GABBR2: variants seen among roughly 807,000 people sequenced by gnomAD.
GABBR2 encodes gamma-aminobutyric acid type B receptor subunit 2.
Under a neutral mutation model 105.6 loss-of-function variants are expected in GABBR2, and 23 were observed. The ratio of observed to expected loss-of-function variants is 0.22; its 90% confidence interval spans 0.16 to 0.31. The LOEUF (loss-of-function observed/expected upper bound fraction) is 0.31, where lower values mean the gene tolerates loss of function less well. Ranked by LOEUF, GABBR2 falls within the 10% of genes least tolerant of loss-of-function variation. The probability of loss-of-function intolerance (pLI) is 1.00; values close to 1 mark genes in which losing one functional copy is unlikely to be tolerated. For synonymous variants in GABBR2, 478 were observed against 499.7 expected, an observed-to-expected ratio of 0.96 and a Z score of 0.58; for missense variants, 734 against 1,245.5, an observed-to-expected ratio of 0.59 and a Z score of 6.18.
At chr9:98,552,288 T>C (rs1217208292) in intron 2 of GABBR2, among the ~76,000 whole-genome samples, 1 of 152,220 alleles carries the variant, frequency 6.6e-6, no homozygotes, top group Non-Finnish European at 1.5e-5. Flanking sequence ...GAGAAAATGA[T>C]TGAGGCTTGC....
At chr9:98,307,349 G>A (rs1376964957) in intron 14 of GABBR2, among the ~76,000 whole-genome samples, 1 of 152,192 alleles carries the variant, frequency 6.6e-6, no homozygotes, top group Non-Finnish European at 1.5e-5. Flanking sequence ...GGACAGCTCA[G>A]GTGGGTGTAG....
intron 1 of GABBR2, among the ~76,000 whole-genome samples, chr9:98,698,942 G>A (rs1830792158): frequency 1.3e-5 from 2 of 152,142 alleles, no homozygotes; most frequent in Admixed American, 1.3e-4. Context: ...TCTGACCCAG[G>A]AGCAGGGAGC....
intron 1 of GABBR2, among the ~76,000 whole-genome samples, chr9:98,650,595 A>T (rs1291733863): frequency 2.0e-5 from 3 of 152,224 alleles, no homozygotes; most frequent in Non-Finnish European, 4.4e-5. Context: ...ATGAAAGGAA[A>T]ATCTTTATAC....
chr9:98,542,161 C>T (rs1044917447), intron 2 of GABBR2, 118 bp from the exon 3 acceptor site: 3 of 774,076 alleles, frequency 3.9e-6, no homozygotes, highest in Non-Finnish European at 6.0e-6. Context: ...CACACAGGGA[C>T]AGATATTTTT....
chr9:98,570,011 T>G (rs187986110), intron 2 of GABBR2, among the ~76,000 whole-genome samples: 65 of 152,354 alleles, frequency 4.3e-4, no homozygotes, highest in African/African-American at 1.5e-3. Context: ...CACTGATTTG[T>G]TTTTTAAATG....
intron 17 of GABBR2, among the ~76,000 whole-genome samples, chr9:98,295,658 T>G (rs1236629105): frequency 6.6e-6 from 1 of 152,132 alleles, no homozygotes; most frequent in African/African-American, 2.4e-5. Flanking sequence ...CCCAAGTAGC[T>G]GGGACTACAG....
intron 3 of GABBR2, among the ~76,000 whole-genome samples, chr9:98,504,279 T>TATA (rs1827462483): frequency 6.6e-6 from 1 of 152,246 alleles, no homozygotes; most frequent in African/African-American, 2.4e-5. Context: ...AGCAACTTGC[T>TATA]ACTGCATTCA....
At chr9:98,397,188 C>T (rs778004309) in intron 8 of GABBR2, among the ~76,000 whole-genome samples, 14 of 152,196 alleles carry the variant, frequency 9.2e-5, no homozygotes, top group Non-Finnish European at 2.1e-4. Flanking sequence ...AGGCTCAGCT[C>T]ATGGTATTTC....
At position 98,290,476 on chromosome 9, in the gene GABBR2, A is replaced by G; in HGVS notation, c.*108T>C. 1.3e-6 allele frequency: 1 copy of G among 791,758 alleles called. No homozygotes were observed. Among genetic ancestry groups the G allele is most frequent in the Non-Finnish European group, 1.8e-6 (1 of 570,258 alleles). 49.0% of individuals were successfully genotyped at this position (791,758 alleles called of 1,614,324 possible). A position where few individuals can be genotyped will look rare whatever the true frequency, so the allele number is the denominator to read the frequency against. ...TCCGAGTGGTCCTGAGAGGCCAGCC[A>G]TGGTGCCCAGCTTCTCCGCAGCCAG... is the stretch of plus-strand genomic sequence containing the variant. On this transcript the variant is annotated 3_prime_UTR_variant, in exon 19 of 19. Coordinates refer to ENST00000259455, the MANE Select transcript of GABBR2 (RefSeq NM_005458.8).
At chr9:98,333,295 C>T (rs576087088) in intron 13 of GABBR2, among the ~76,000 whole-genome samples, 2 of 152,106 alleles carry the variant, frequency 1.3e-5, no homozygotes, top group Non-Finnish European at 2.9e-5. Context: ...AGGCTGAAGC[C>T]CTCAGAAATG....
chr9:98,483,353 C>T (rs1826973317), intron 4 of GABBR2, among the ~76,000 whole-genome samples: 1 of 152,168 alleles, frequency 6.6e-6, no homozygotes, highest in African/African-American at 2.4e-5. Context: ...CCTCCCTGCA[C>T]CCTTGCCATG....
intron 7 of GABBR2, among the ~76,000 whole-genome samples, chr9:98,409,700 T>C (rs1832551589): frequency 6.6e-6 from 1 of 152,166 alleles, no homozygotes; most frequent in Non-Finnish European, 1.5e-5. Flanking sequence ...TGAAGGGTCA[T>C]GGATCTAGCC....
At chr9:98,432,811 C>T (rs925325892) in intron 7 of GABBR2, among the ~76,000 whole-genome samples, 4 of 152,302 alleles carry the variant, frequency 2.6e-5, no homozygotes, top group East Asian at 3.9e-4. Context: ...CTCAGCCCCA[C>T]GTGAGGCCCA....
At chr9:98,519,257 C>T (rs7044793) in intron 3 of GABBR2, among the ~76,000 whole-genome samples, 1 of 151,982 alleles carries the variant, frequency 6.6e-6, no homozygotes, top group Admixed American at 6.5e-5. Flanking sequence ...CACAGGACAC[C>T]CTATGCATCT....
At chr9:98,667,684 C>T (rs1830353915) in intron 1 of GABBR2, among the ~76,000 whole-genome samples, 1 of 152,246 alleles carries the variant, frequency 6.6e-6, no homozygotes, top group Non-Finnish European at 1.5e-5. Flanking sequence ...CTGCTTCCCT[C>T]TCTCCCTTAC....
chr9:98,336,432 G>A (rs1370169290), intron 13 of GABBR2, among the ~76,000 whole-genome samples: 1 of 152,252 alleles, frequency 6.6e-6, no homozygotes, highest in Non-Finnish European at 1.5e-5. Flanking sequence ...CTGGCTGGGC[G>A]CAGTGGCTCA....
At chr9:98,648,105 G>A (rs1047402486) in intron 1 of GABBR2, among the ~76,000 whole-genome samples, 7 of 73,150 alleles carry the variant, frequency 9.6e-5, no homozygotes, top group East Asian at 3.3e-4. Flanking sequence ...GTGTGTGTGT[G>A]TGTGTGTGTG....
chr9:98,638,940 A>C (rs1829919159), intron 1 of GABBR2, among the ~76,000 whole-genome samples: 1 of 152,226 alleles, frequency 6.6e-6, no homozygotes, highest in Non-Finnish European at 1.5e-5. Context: ...GCTCTGGAAG[A>C]CTTTGTAATT....
chr9:98,290,634 G>T lies in GABBR2; in HGVS notation c.2776C>A (p.Arg926Ser), dbSNP rs528154834. 2 of 1,447,250 alleles carry T rather than the reference G, an allele frequency of 1.4e-6. No individual in the cohort carries two copies. The highest frequency in any genetic ancestry group is 3.2e-5 in the South Asian group (2 of 62,614). 89.7% of individuals were successfully genotyped at this position (1,447,250 alleles called of 1,614,324 possible). The change falls in exon 19 of 19, where the codon CGC becomes AGC. Residue 926 changes from arginine to serine, a missense_variant. By Grantham distance (110) the Arg-to-Ser change is moderately radical. Around this residue, in one of 7 missense-constraint regions of GABBR2, gnomAD observed 134 missense variants for 171.2 expected, o/e 0.78. Coordinates refer to ENST00000259455, the MANE Select transcript of GABBR2 (RefSeq NM_005458.8). The part of the protein sequence containing the change: ...SPCVSPTASP[R>S]HRHVPPSFRV... ...AAGGAGGGTGGCACATGTCTGTGGC[G>T]GGGGCTGGCGGTGGGGCTGACGCAG...
Sources: allele counts gnomAD v4.1 joint callset (sites outside exome capture counted in the v4.1 genomes callset), GRCh38; gene constraint gnomAD v4.1.1; regional missense constraint gnomAD v4.1.1; transcripts MANE v1.5; gene names NCBI Gene and HGNC (gene_info 2026-07-23, HGNC 2026-07-21).